Variants in SV2C observed in about 807,000 individuals in gnomAD.
The protein encoded by SV2C is synaptic vesicle glycoprotein 2C, also known as solute carrier family 22 member B3.
In SV2C, 49 loss-of-function variants were observed where a neutral mutation model predicts 79.7. The ratio of observed to expected loss-of-function variants is 0.61; its 90% CI spans 0.49 to 0.78. The LOEUF (loss-of-function observed/expected upper bound fraction) is 0.78, where lower values mean the gene tolerates loss of function less well. SV2C is among the 30% of genes least tolerant of loss of function. SV2C has a pLI of 0.00. For missense variants in SV2C, 833 were observed against 912.9 expected, an observed-to-expected ratio of 0.91 and a Z score of 1.13; for synonymous variants, 334 against 333.2, an observed-to-expected ratio of 1.00 and a Z score of -0.03.
the SV2C span, chr5:75,921,362 G>T: frequency 3.1e-6 from 3 of 960,402 alleles, no homozygotes; most frequent in Admixed American, 1.7e-5. Context: ...GCTGTCCTTT[G>T]GGGGGTGCTG....
chr5:75,955,431 C>T, the SV2C span, among the ~76,000 whole-genome samples: 13 of 151,390 alleles, frequency 8.6e-5, no homozygotes, highest in Non-Finnish European at 1.9e-4. Context: ...AGACCTAAAG[C>T]CATAAAAACC....
At chr5:76,273,708 G>A (rs191356647) in intron 4 of SV2C, among the ~76,000 whole-genome samples, 3 of 152,146 alleles carry the variant, frequency 2.0e-5, no homozygotes, top group Non-Finnish European at 2.9e-5. Flanking sequence ...CTTGTTGCTC[G>A]GGCCTGCTCT....
At chr5:76,217,542 T>C (rs905788458) in intron 4 of SV2C, among the ~76,000 whole-genome samples, 7 of 152,184 alleles carry the variant, frequency 4.6e-5, no homozygotes, top group African/African-American at 1.2e-4. Flanking sequence ...CTAGTCAGCA[T>C]TGTAGTAAGG....
At chr5:76,010,434 A>C in the SV2C span, among the ~76,000 whole-genome samples, 2 of 152,272 alleles carry the variant, frequency 1.3e-5, no homozygotes, top group South Asian at 4.2e-4. Flanking sequence ...GATCCTACAC[A>C]ATTTTAGACT....
the SV2C span, among the ~76,000 whole-genome samples, chr5:75,980,876 G>A: frequency 3.3e-5 from 5 of 152,120 alleles, no homozygotes; most frequent in African/African-American, 1.2e-4. Flanking sequence ...AATCAGGCAA[G>A]AGAAAGATAT....
At chr5:76,187,059 G>T (rs950013477) in intron 2 of SV2C, among the ~76,000 whole-genome samples, 1 of 152,158 alleles carries the variant, frequency 6.6e-6, no homozygotes. Flanking sequence ...GGATCCCATT[G>T]GTGTTAAACT....
At chr5:76,035,145 T>A in the SV2C span, among the ~76,000 whole-genome samples, 1 of 152,180 alleles carries the variant, frequency 6.6e-6, no homozygotes, top group Non-Finnish European at 1.5e-5. Context: ...TTTTTTTTTC[T>A]TTATAAGTCT....
At chr5:76,343,118 T>C (rs1336741938) in intron 12 of SV2C, among the ~76,000 whole-genome samples, 1 of 152,204 alleles carries the variant, frequency 6.6e-6, no homozygotes, top group African/African-American at 2.4e-5. Flanking sequence ...GTGCTTTGAT[T>C]TCTGTCTACT....
intron 1 of SV2C, among the ~76,000 whole-genome samples, chr5:76,130,987 C>T (rs530177613): frequency 2.8e-4 from 42 of 152,278 alleles, no homozygotes; most frequent in African/African-American, 8.9e-4. Flanking sequence ...ATATCAAATG[C>T]AGCCATAAAA....
the SV2C span, among the ~76,000 whole-genome samples, chr5:76,036,538 A>G: frequency 6.6e-6 from 1 of 152,204 alleles, no homozygotes; most frequent in African/African-American, 2.4e-5. Flanking sequence ...TTCTGGGTTG[A>G]AAATTCTTTT....
At chr5:75,917,855 T>C in the SV2C span, among the ~76,000 whole-genome samples, 2 of 152,180 alleles carry the variant, frequency 1.3e-5, no homozygotes, top group Non-Finnish European at 2.9e-5. Flanking sequence ...GGATAAATGC[T>C]TGGGGAGACA....
chr5:76,048,814 A>G, the SV2C span, among the ~76,000 whole-genome samples: 5 of 28,886 alleles, frequency 1.7e-4, no homozygotes, highest in African/African-American at 1.4e-3. Context: ...CCAGATTGTG[A>G]AAAAAAAAAA....
intron 1 of SV2C, among the ~76,000 whole-genome samples, chr5:76,116,700 G>A (rs1454489234): frequency 6.6e-6 from 1 of 152,212 alleles, no homozygotes; most frequent in Non-Finnish European, 1.5e-5. Context: ...AATGCCTTTG[G>A]CCATTGGATG....
At chr5:75,896,018 A>G in the SV2C span, among the ~76,000 whole-genome samples, 1 of 152,058 alleles carries the variant, frequency 6.6e-6, no homozygotes, top group Admixed American at 6.6e-5. Context: ...TTATGTATGC[A>G]TATATTATCT....
At chr5:75,941,870 A>G in the SV2C span, among the ~76,000 whole-genome samples, 1 of 152,192 alleles carries the variant, frequency 6.6e-6, no homozygotes, top group Non-Finnish European at 1.5e-5. Flanking sequence ...TAAGACCTTC[A>G]TTTCAGATGG....
chr5:76,020,892 G>A, the SV2C span, among the ~76,000 whole-genome samples: 794 of 152,278 alleles, frequency 5.2e-3, 12 homozygotes, highest in South Asian at 0.03. Context: ...CAAGTCACAA[G>A]ATGAAAAGAG....
the SV2C span, among the ~76,000 whole-genome samples, chr5:75,936,840 A>G: frequency 3.9e-5 from 6 of 152,224 alleles, no homozygotes; most frequent in African/African-American, 1.4e-4. Context: ...ACTGATTGCC[A>G]GTTGAGCAGT....
At chr5:76,173,498 C>T in intron 2 of SV2C, 2 of 905,632 alleles carry the variant, frequency 2.2e-6, no homozygotes, top group East Asian at 4.8e-5. Context: ...TTTCATCCGC[C>T]TCTTAAAGGG....
At chr5:76,273,220 T>A (rs899876518) in intron 4 of SV2C, among the ~76,000 whole-genome samples, 1 of 150,332 alleles carries the variant, frequency 6.7e-6, no homozygotes, top group Non-Finnish European at 1.5e-5. Context: ...TATACTATCA[T>A]AACATTAATA....
Sources: allele counts gnomAD v4.1 joint callset (sites outside exome capture counted in the v4.1 genomes callset), GRCh38; gene constraint gnomAD v4.1.1; transcripts MANE v1.5; gene names NCBI Gene and HGNC (gene_info 2026-07-23, HGNC 2026-07-21).